NSG2: variants seen among roughly 807,000 people sequenced by gnomAD.
The protein encoded by NSG2 is neuronal vesicle trafficking-associated protein 2.
In NSG2, 4 loss-of-function variants were observed where a neutral mutation model predicts 16.9. The observed-to-expected ratio is 0.24, with a 90% confidence interval of 0.12 to 0.54. The LOEUF (loss-of-function observed/expected upper bound fraction) is 0.54. NSG2 is among the 20% of genes least tolerant of loss of function. The probability of loss-of-function intolerance (pLI) is 0.95; values close to 1 mark genes in which losing one functional copy is unlikely to be tolerated. For synonymous variants in NSG2, 98 were observed against 88.7 expected, an observed-to-expected ratio of 1.11 and a Z score of -0.59; for missense variants, 179 against 221.1, an observed-to-expected ratio of 0.81 and a Z score of 1.21.
chr5:174,069,498 C>T (rs560226451), intron 3 of NSG2, among the ~76,000 whole-genome samples: 34 of 152,250 alleles, frequency 2.2e-4, no homozygotes, highest in African/African-American at 8.2e-4. Flanking sequence ...TTTGCCATAT[C>T]TTAGCTTCAT....
chr5:174,089,764 A>G (rs529605759), intron 3 of NSG2, among the ~76,000 whole-genome samples: 1 of 152,218 alleles, frequency 6.6e-6, no homozygotes, highest in African/African-American at 2.4e-5. Context: ...ACAGGTGTAC[A>G]CTACCACCTC....
intron 3 of NSG2, among the ~76,000 whole-genome samples, chr5:174,103,520 G>T (rs1368327359): frequency 6.6e-6 from 1 of 152,174 alleles, no homozygotes; most frequent in Non-Finnish European, 1.5e-5. Context: ...GTCCGAGGTT[G>T]CAATGCACCA....
At position 174,066,497 on chromosome 5, in the gene NSG2, A is replaced by G. The variant is rs77083567; in HGVS notation, c.213+2182A>G. Among the ~76,000 whole-genome samples the G allele has an allele frequency of 9.7e-3, 1,477 of 152,346 alleles. 24 individuals carry two copies. Among genetic ancestry groups the G allele is most frequent in the African/African-American group, 0.029 (1,218 of 41,570 alleles). Reference sequence around the variant, plus strand: ...CTTGTGATTTCATAAATGAGAACACATCCATATGATGAACTACTTTACAGT... The same window carrying G: ...CTTGTGATTTCATAAATGAGAACACGTCCATATGATGAACTACTTTACAGT... On this transcript the variant is annotated intron_variant, in intron 3 of 4. Coordinates refer to ENST00000303177, the MANE Select transcript of NSG2 (RefSeq NM_015980.5).
chr5:174,050,695 C>T (rs774175861), intron 2 of NSG2, among the ~76,000 whole-genome samples: 29 of 152,140 alleles, frequency 1.9e-4, no homozygotes, highest in Non-Finnish European at 4.0e-4. Context: ...TTGAGCCCTC[C>T]CCCTGGCAGG....
intron 2 of NSG2, among the ~76,000 whole-genome samples, chr5:174,059,274 A>G (rs560336770): frequency 1.3e-5 from 2 of 152,302 alleles, no homozygotes; most frequent in Non-Finnish European, 1.5e-5. Context: ...TCATCAATGT[A>G]TATGTAGTAT....
chr5:174,051,538 A>G (rs1423740116), intron 2 of NSG2, among the ~76,000 whole-genome samples: 1 of 152,106 alleles, frequency 6.6e-6, no homozygotes, highest in Non-Finnish European at 1.5e-5. Flanking sequence ...CTATCCATCC[A>G]TCCACCAATC....
intron 2 of NSG2, among the ~76,000 whole-genome samples, chr5:174,055,212 T>C (rs1759948530): frequency 6.6e-6 from 1 of 152,154 alleles, no homozygotes; most frequent in African/African-American, 2.4e-5. Flanking sequence ...GCAGCTTGCC[T>C]CTGTTCAGAG....
At chr5:174,073,895 G>T (rs1760287577) in intron 3 of NSG2, among the ~76,000 whole-genome samples, 1 of 152,130 alleles carries the variant, frequency 6.6e-6, no homozygotes, top group African/African-American at 2.4e-5. Context: ...AGACTTCTAG[G>T]GTATAGTGAG....
intron 2 of NSG2, 132 bp from the exon 3 acceptor site, chr5:174,064,100 C>T (rs947042370): frequency 2.4e-5 from 14 of 571,664 alleles, no homozygotes; most frequent in East Asian, 5.6e-5. Context: ...TTTTCTCTTA[C>T]GTGTGTTTGA....
At chr5:174,071,119 A>C (rs116309703) in intron 3 of NSG2, among the ~76,000 whole-genome samples, 2,607 of 152,268 alleles carry the variant, frequency 0.017, 31 homozygotes, top group South Asian at 0.025. Flanking sequence ...AGTGGGAGGG[A>C]CACCTTAGCC....
At position 174,069,874 on chromosome 5, in the gene NSG2, A is replaced by ATT. The variant is rs1374503826; in HGVS notation, c.213+5579_213+5580dup. Among the ~76,000 whole-genome samples the ATT allele has an allele frequency of 7.5e-3, 846 of 113,250 alleles. 11 individuals carry two copies. Among genetic ancestry groups the ATT allele is most frequent in the African/African-American group, 0.023 (648 of 28,434 alleles). 74.3% of individuals were successfully genotyped at this position (113,250 alleles called of 152,430 possible). On this transcript the variant is annotated intron_variant, in intron 3 of 4. Transcript: ENST00000303177. Reference sequence around the variant, plus strand: ...GTTTGCTTGTTGGTAAAGGTAGGCCATTTTTTTTTTTTTTTTTTTTTGAGA... The same window carrying ATT: ...GTTTGCTTGTTGGTAAAGGTAGGCCATTTTTTTTTTTTTTTTTTTTTTTGAGA...
In NSG2 at chr5:174,052,893, G is replaced by A. The variant is rs536305976; in HGVS notation, c.129+6009G>A. 9.2e-5 allele frequency among the ~76,000 whole-genome samples: 14 copies of A among 152,242 alleles called. No individual in the cohort carries two copies. The East Asian group carries it at 2.1e-3, about 23-fold the overall frequency. ...GCAGAGCCACAGGGGAACCATAATC[G>A]GCAAGTCTGCTGCTGCGCTCTGGGC... is the stretch of plus-strand genomic sequence containing the variant. On this transcript the variant is annotated intron_variant, in intron 2 of 4. Coordinates refer to ENST00000303177, the MANE Select transcript of NSG2 (RefSeq NM_015980.5).
In NSG2 at chr5:174,089,798, T is replaced by G. The variant is rs116292787; in HGVS notation, c.214-14430T>G. ...TCCGGCTAGTTTTTACTTTTTTCTT[T>G]TTTGTAGAGATGGGATTTTGCTATG... On this transcript the variant is annotated intron_variant, in intron 3 of 4. Transcript: ENST00000303177. Among the ~76,000 whole-genome samples, 1,032 of 152,114 alleles carry G rather than the reference T, an allele frequency of 6.8e-3. 10 individuals are homozygous for G. The highest frequency in any genetic ancestry group is 0.024 in the African/African-American group (996 of 41,500).
At chr5:174,077,712 C>A (rs545568466) in intron 3 of NSG2, among the ~76,000 whole-genome samples, 79 of 152,252 alleles carry the variant, frequency 5.2e-4, no homozygotes, top group African/African-American at 1.8e-3. Context: ...AATTGGTCAT[C>A]TTTCCCTCCT....
At chr5:174,064,562 C>T (rs1760109593) in intron 3 of NSG2, 1 of 334,330 alleles carries the variant, frequency 3.0e-6, no homozygotes, top group South Asian at 1.5e-4. Flanking sequence ...TTGATAAATG[C>T]CTCTTCTATT....
intron 2 of NSG2, among the ~76,000 whole-genome samples, chr5:174,052,093 G>T (rs1166636954): frequency 6.6e-6 from 1 of 152,216 alleles, no homozygotes; most frequent in Non-Finnish European, 1.5e-5. Context: ...GACAGGTTCA[G>T]TCTCATGCTT....
At chr5:174,090,179 GTA>G (rs764686709) in intron 3 of NSG2, among the ~76,000 whole-genome samples, 24 of 152,174 alleles carry the variant, frequency 1.6e-4, no homozygotes, top group Non-Finnish European at 3.4e-4. Flanking sequence ...GCATATGGCT[GTA>G]TGCATGGCTG....
At chr5:174,083,042 A>G (rs1760513913) in intron 3 of NSG2, among the ~76,000 whole-genome samples, 1 of 152,138 alleles carries the variant, frequency 6.6e-6, no homozygotes, top group South Asian at 2.1e-4. Flanking sequence ...TTTCACTGTC[A>G]TGGGCCACTC....
intron 3 of NSG2, among the ~76,000 whole-genome samples, chr5:174,069,562 C>G (rs916847735): frequency 1.4e-4 from 21 of 152,198 alleles, no homozygotes; most frequent in African/African-American, 5.1e-4. Context: ...ATTAATAAAA[C>G]CAGACAATAA....
Sources: allele counts gnomAD v4.1 joint callset (sites outside exome capture counted in the v4.1 genomes callset), GRCh38; gene constraint gnomAD v4.1.1; transcripts MANE v1.5; gene names NCBI Gene and HGNC (gene_info 2026-07-23, HGNC 2026-07-21).